Variants in MCF2 observed in about 807,000 individuals in gnomAD.
The protein encoded by MCF2 is MCF.2 cell line derived transforming sequence.
Under a neutral mutation model 82.5 loss-of-function variants are expected in MCF2, and 44 were observed. The observed-to-expected ratio is 0.53, with a 90% CI of 0.42 to 0.69. The LOEUF (loss-of-function observed/expected upper bound fraction) is 0.69. MCF2 is among the 30% of genes least tolerant of loss of function. The pLI is 0.00. For synonymous variants in MCF2, 217 were observed against 224.9 expected, an observed-to-expected ratio of 0.96 and a Z score of 0.32; for missense variants, 623 against 663.1, an observed-to-expected ratio of 0.94 and a Z score of 0.66.
intron 1 of MCF2, among the ~76,000 whole-genome samples, chrX:139,635,308 T>C (rs1933138365): frequency 9.0e-6 from 1 of 110,849 alleles, no homozygotes; most frequent in Non-Finnish European, 1.9e-5. Flanking sequence ...CGGTAATGTA[T>C]ATCCTACCTT....
chrX:139,665,992 C>T (rs1934508999), intron 1 of MCF2, among the ~76,000 whole-genome samples: 2 of 97,398 alleles, frequency 2.1e-5, no homozygotes, highest in African/African-American at 3.9e-5. Flanking sequence ...CACACACATA[C>T]ACACACACAC....
Position 139,621,146 on chromosome X carries a change from T to C in MCF2, c.688-1440A>G, listed in dbSNP as rs752963763. Among the ~76,000 whole-genome samples the C allele has an allele frequency of 1.1e-3, 117 of 111,134 alleles. 2 individuals are homozygous for C. The highest frequency in any genetic ancestry group is 6.6e-4 in the Non-Finnish European group (35 of 52,881). ...GTGCTGAGATAGCTGACTAATCATA[T>C]AAAGAAGAGTGAAACTGGACCCCTA... On this transcript the variant is annotated intron_variant, in intron 6 of 24. Coordinates refer to ENST00000370576, the Ensembl canonical transcript of MCF2.
intron 10 of MCF2, 48 bp from the exon 14 acceptor site, chrX:139,613,311 A>G: frequency 1.0e-6 from 1 of 978,529 alleles, no homozygotes; most frequent in Non-Finnish European, 1.4e-6. Flanking sequence ...TCAGAAAAAA[A>G]TGAAACAATA....
Position 139,636,313 on chromosome X carries a change from C to T in MCF2, c.52-3859G>A, listed in dbSNP as rs768833255. On this transcript the variant is annotated intron_variant, in intron 1 of 24. Coordinates refer to ENST00000370576, the Ensembl canonical transcript of MCF2. ...AATTCCCATTATATTATTATACTCA[C>T]CTGCCTTGAACCTGTTTATTTTTTC... Among the ~76,000 whole-genome samples the T allele has an allele frequency of 3.6e-5, 4 of 111,404 alleles. No homozygotes were observed. The East Asian group carries it at 1.1e-3, about 32-fold the overall frequency.
chrX:139,596,724 C>T (rs1446383269), exon 19 of MCF2: 6 of 1,208,042 alleles, frequency 5.0e-6, no homozygotes, highest in Middle Eastern at 2.3e-4. Context: ...TATCCAAACG[C>T]TGAATCCACC....
At chrX:139,592,329 T>A (rs752396924) in intron 19 of MCF2, among the ~76,000 whole-genome samples, 1 of 111,900 alleles carries the variant, frequency 8.9e-6, no homozygotes, top group Non-Finnish European at 1.9e-5. Context: ...CTTCTCTGTT[T>A]CCATGGTACC....
At chrX:139,652,872 G>A (rs1462798765) in intron 1 of MCF2, among the ~76,000 whole-genome samples, 3 of 108,120 alleles carry the variant, frequency 2.8e-5, no homozygotes, top group Non-Finnish European at 5.7e-5. Flanking sequence ...CAATCCTCAA[G>A]GGAATTAAAA....
intron 1 of MCF2, among the ~76,000 whole-genome samples, chrX:139,665,752 C>G (rs940542106): frequency 4.4e-4 from 48 of 108,433 alleles, no homozygotes; most frequent in Admixed American, 3.6e-3. Flanking sequence ...TTCTGCCATC[C>G]TGCTCTGCTC....
At chrX:139,610,123 A>G (rs1171731790) in intron 11 of MCF2, among the ~76,000 whole-genome samples, 178 bp downstream of exon 15, 1 of 112,368 alleles carries the variant, frequency 8.9e-6, no homozygotes, top group Non-Finnish European at 1.9e-5. Flanking sequence ...AGAAACTGGC[A>G]TATCTGGGGA....
rs148716257 is a variant in MCF2, at chrX:139,675,729, T to A, written c.-44-23941A>T. 5.6e-3 allele frequency among the ~76,000 whole-genome samples: 633 copies of A among 112,188 alleles called. 8 individuals carry two copies. The highest frequency in any genetic ancestry group is 0.018 in the African/African-American group (557 of 30,877). On this transcript the variant is annotated intron_variant, in intron 1 of 27. Coordinates refer to the MCF2 transcript ENST00000414978. ...GAGGGGCACCTGCCTGTATGAGGTATCAGTAGGCCCTTACTGGGAGGTGTC... is the reference window on the plus strand; with the variant it reads ...GAGGGGCACCTGCCTGTATGAGGTAACAGTAGGCCCTTACTGGGAGGTGTC...
At chrX:139,626,653 T>C in exon 5 of MCF2, 1 of 1,209,333 alleles carries the variant, frequency 8.3e-7, no homozygotes. Context: ...ACCACTTATT[T>C]GCCGATGACA....
chrX:139,634,335 T>G (rs947045507), intron 1 of MCF2, among the ~76,000 whole-genome samples: 2 of 112,039 alleles, frequency 1.8e-5, no homozygotes, highest in African/African-American at 6.5e-5. Flanking sequence ...TCTCTGTACT[T>G]CCTGTTAAAT....
chrX:139,654,974 G>T (rs1258495255), intron 1 of MCF2, among the ~76,000 whole-genome samples: 2 of 111,448 alleles, frequency 1.8e-5, no homozygotes. Context: ...TTTACATCTG[G>T]GTTCTCTATT....
At chrX:139,630,168 A>G (rs761672084) in intron 3 of MCF2, among the ~76,000 whole-genome samples, 4 of 112,204 alleles carry the variant, frequency 3.6e-5, no homozygotes, top group Non-Finnish European at 7.5e-5. Flanking sequence ...TGAAAATTAC[A>G]GTATTTTCCT....
intron 19 of MCF2, among the ~76,000 whole-genome samples, chrX:139,590,229 C>A (rs908982745): frequency 3.6e-5 from 4 of 110,961 alleles, no homozygotes; most frequent in Admixed American, 1.9e-4. Flanking sequence ...TAATAGTACA[C>A]TATTAAAACA....
chrX:139,592,819 C>A (rs755262602), intron 19 of MCF2, among the ~76,000 whole-genome samples: 132 of 111,496 alleles, frequency 1.2e-3, no homozygotes, highest in Admixed American at 4.5e-3. Flanking sequence ...TTGACCCGAC[C>A]CTGGGCAGGA....
intron 1 of MCF2, among the ~76,000 whole-genome samples, chrX:139,689,797 A>C (rs1223045297): frequency 9.1e-6 from 1 of 109,742 alleles, no homozygotes; most frequent in Non-Finnish European, 1.9e-5. Context: ...TAACTCCCTA[A>C]GTGAAGCCAA....
intron 19 of MCF2, among the ~76,000 whole-genome samples, chrX:139,595,822 G>C (rs1930037865): frequency 9.0e-6 from 1 of 111,012 alleles, no homozygotes; most frequent in Non-Finnish European, 1.9e-5. Flanking sequence ...GTCAATTATG[G>C]GTCTCATGTG....
chrX:139,614,403 C>T (rs1931733383), intron 10 of MCF2, among the ~76,000 whole-genome samples: 1 of 111,244 alleles, frequency 9.0e-6, no homozygotes, highest in African/African-American at 3.3e-5. Context: ...CATATTTCAC[C>T]ACTATGCAAT....
Sources: gnomAD v4.1 joint callset for allele counts (sites outside exome capture counted in the v4.1 genomes callset) on GRCh38, gnomAD v4.1.1 for gene constraint, MANE v1.5 for transcripts, NCBI Gene and HGNC (gene_info 2026-07-23, HGNC 2026-07-21) for gene names.